Variants in CSMD1 observed in about 807,000 individuals in gnomAD.
CSMD1 encodes CUB and sushi domain-containing protein 1.
CSMD1 carries 213 observed loss-of-function variants against 417.5 expected under a neutral mutation model. That is an observed-to-expected ratio of 0.51 (90% confidence interval 0.46 to 0.57). The LOEUF (loss-of-function observed/expected upper bound fraction) is 0.57, where lower values mean the gene tolerates loss of function less well. CSMD1 is among the 20% of genes least tolerant of loss of function. CSMD1 has a pLI of 0.00. For missense variants in CSMD1, 6,923 were observed against 4,529.7 expected, an observed-to-expected ratio of 1.53 and a Z score of -15.17; for synonymous variants, 2,862 against 1,736.8, an observed-to-expected ratio of 1.65 and a Z score of -16.11.
chr8:3,742,764 C>T (rs1002946573), intron 6 of CSMD1, among the ~76,000 whole-genome samples: 18 of 151,886 alleles, frequency 1.2e-4, no homozygotes, highest in Admixed American at 7.9e-4. Flanking sequence ...CAAAACGAAA[C>T]GAAACAAAAA....
At chr8:3,744,029 C>T (rs1796942926) in intron 6 of CSMD1, among the ~76,000 whole-genome samples, 1 of 152,200 alleles carries the variant, frequency 6.6e-6, no homozygotes, top group Non-Finnish European at 1.5e-5. Context: ...CCTGCCCTTT[C>T]CCCTTCAATG....
intron 8 of CSMD1, among the ~76,000 whole-genome samples, chr8:3,604,937 T>A (rs959277411): frequency 1.3e-5 from 2 of 152,206 alleles, no homozygotes; most frequent in African/African-American, 2.4e-5. Flanking sequence ...AAATTTATAA[T>A]GTGCCTTTGG....
chr8:3,256,125 C>G (rs1159773864), intron 26 of CSMD1, among the ~76,000 whole-genome samples: 2 of 151,790 alleles, frequency 1.3e-5, no homozygotes, highest in African/African-American at 2.4e-5. Flanking sequence ...GTCAGGAGTT[C>G]CAGACCAGCC....
intron 2 of CSMD1, among the ~76,000 whole-genome samples, chr8:4,584,625 G>A (rs139028349): frequency 1.5e-4 from 23 of 152,130 alleles, no homozygotes; most frequent in African/African-American, 5.5e-4. Context: ...TGCAGCTCCG[G>A]GGTCCCAACA....
chr8:4,494,676 G>C (rs1801891077), intron 2 of CSMD1, among the ~76,000 whole-genome samples: 1 of 151,640 alleles, frequency 6.6e-6, no homozygotes, highest in African/African-American at 2.4e-5. Flanking sequence ...CACCATTCCT[G>C]CCATTAAAAA....
chr8:3,703,210 G>A (rs1166642334), intron 7 of CSMD1, among the ~76,000 whole-genome samples: 1 of 152,144 alleles, frequency 6.6e-6, no homozygotes, highest in East Asian at 1.9e-4. Flanking sequence ...CCGCACAGAA[G>A]AGTTGAAATA....
intron 5 of CSMD1, 124 bp downstream of exon 5, chr8:3,997,779 C>CA (rs1815328358): frequency 3.6e-6 from 3 of 829,136 alleles, no homozygotes; most frequent in Non-Finnish European, 3.7e-6. Context: ...AAGAGCAAGG[C>CA]GAAAAAAGGA....
intron 21 of CSMD1, among the ~76,000 whole-genome samples, chr8:3,349,402 C>T (rs558218370): frequency 2.1e-4 from 32 of 152,136 alleles, no homozygotes; most frequent in South Asian, 4.1e-4. Context: ...GATTTGTGCA[C>T]GTTGAATCTC....
At chr8:3,610,900 A>C (rs1403109963) in intron 8 of CSMD1, among the ~76,000 whole-genome samples, 2 of 151,982 alleles carry the variant, frequency 1.3e-5, no homozygotes, top group Admixed American at 6.6e-5. Flanking sequence ...GACAGTGCAG[A>C]AACAATGATG....
chr8:3,067,893 C>T lies in CSMD1; in HGVS notation c.7475-15246G>A, dbSNP rs73494471. Among the ~76,000 whole-genome samples the T allele has an allele frequency of 8.3e-3, 1,262 of 152,004 alleles. 16 individuals carry two copies. Among genetic ancestry groups the T allele is most frequent in the African/African-American group, 0.029 (1,188 of 41,448 alleles). On this transcript the variant is annotated intron_variant, in intron 49 of 69. Coordinates refer to ENST00000635120, the MANE Select transcript of CSMD1 (RefSeq NM_033225.6). ...CTCCATTTTCAGGGGTCACTGTTGT[C>T]CAGAAATATTAGATGATTTATCCAG...
At chr8:4,403,074 G>A (rs762535925) in intron 3 of CSMD1, among the ~76,000 whole-genome samples, 16 of 151,684 alleles carry the variant, frequency 1.1e-4, no homozygotes, top group African/African-American at 2.9e-4. Flanking sequence ...CTCGTGATCC[G>A]CTCGCCTCAG....
chr8:4,085,300 A>G (rs556513402), intron 3 of CSMD1, among the ~76,000 whole-genome samples: 83 of 152,320 alleles, frequency 5.4e-4, no homozygotes, highest in African/African-American at 1.9e-3. Flanking sequence ...TTATCTAGTT[A>G]GGAAGTTTAA....
intron 7 of CSMD1, among the ~76,000 whole-genome samples, chr8:3,698,576 A>G (rs886607438): frequency 2.4e-4 from 37 of 152,226 alleles, no homozygotes; most frequent in Non-Finnish European, 4.7e-4. Flanking sequence ...ACTCTGGCCT[A>G]CTACCATTCA....
At chr8:3,461,084 G>A (rs1816471415) in intron 12 of CSMD1, among the ~76,000 whole-genome samples, 1 of 152,202 alleles carries the variant, frequency 6.6e-6, no homozygotes, top group Non-Finnish European at 1.5e-5. Flanking sequence ...CCTTGCATGG[G>A]CCTCACCGCA....
chr8:4,739,418 C>T (rs182727576), intron 1 of CSMD1, among the ~76,000 whole-genome samples: 2 of 152,260 alleles, frequency 1.3e-5, no homozygotes, highest in African/African-American at 2.4e-5. Flanking sequence ...CTGATACCTC[C>T]CAACTCTCTA....
intron 1 of CSMD1, among the ~76,000 whole-genome samples, chr8:4,778,514 G>A (rs574618819): frequency 6.6e-6 from 1 of 152,256 alleles, no homozygotes. Context: ...AAGTGGCACG[G>A]TATAAGCATA....
intron 2 of CSMD1, among the ~76,000 whole-genome samples, chr8:4,437,481 CCT>C (rs1485724711): frequency 1.3e-5 from 2 of 152,234 alleles, no homozygotes; most frequent in African/African-American, 4.8e-5. Context: ...TGAAAAGTTT[CCT>C]CTCAAGATTT....
Position 3,972,053 on chromosome 8 carries a change from T to C in CSMD1, c.818+25850A>G, listed in dbSNP as rs141542071. ...TCCTAAGTAATTTGTAAATTTTTCA[T>C]AGAGACAGGGGCTCTGTATGTTGCC... On this transcript the variant is annotated intron_variant, in intron 5 of 69. Coordinates refer to ENST00000635120, the MANE Select transcript of CSMD1 (RefSeq NM_033225.6). Among the ~76,000 whole-genome samples the C allele has an allele frequency of 2.4e-3, 371 of 152,152 alleles. 1 individual carries two copies. Among genetic ancestry groups the C allele is most frequent in the African/African-American group, 8.6e-3 (357 of 41,516 alleles).
At chr8:4,048,139 G>A (rs1171585180) in intron 3 of CSMD1, among the ~76,000 whole-genome samples, 3 of 152,160 alleles carry the variant, frequency 2.0e-5, no homozygotes, top group African/African-American at 7.2e-5. Flanking sequence ...TGCCTAAGGT[G>A]AAAAGAATGA....
Sources: allele counts gnomAD v4.1 joint callset (sites outside exome capture counted in the v4.1 genomes callset), GRCh38; gene constraint gnomAD v4.1.1; transcripts MANE v1.5; gene names NCBI Gene and HGNC (gene_info 2026-07-23, HGNC 2026-07-21).